The following SYT1 variants were observed in gnomAD, a reference collection of about 807,000 sequenced individuals.
SYT1 encodes the protein synaptotagmin 1.
Under a neutral mutation model 44.8 loss-of-function variants are expected in SYT1, and 8 were observed. The ratio of observed to expected loss-of-function variants is 0.18; its 90% CI spans 0.10 to 0.32. SYT1 has a LOEUF of 0.32. Ranked by LOEUF, SYT1 falls within the 10% of genes least tolerant of loss-of-function variation. SYT1 has a pLI of 1.00. For missense variants in SYT1, 286 were observed against 509.3 expected (o/e 0.56, Z 4.22); for synonymous variants, 154 against 188.8 (o/e 0.82, Z 1.51).
chr12:79,049,239 T>C (rs1395324513), intron 3 of SYT1, among the ~76,000 whole-genome samples: 28 of 151,908 alleles, frequency 1.8e-4, no homozygotes, highest in Non-Finnish European at 3.1e-4. Context: ...CATAATTGTA[T>C]TGAAATAGGA....
intron 2 of SYT1, among the ~76,000 whole-genome samples, chr12:79,035,261 G>A (rs560086176): frequency 3.3e-5 from 5 of 151,686 alleles, no homozygotes; most frequent in South Asian, 2.1e-4. Context: ...AGTCTTAGGC[G>A]TGTATAGAGA....
chr12:79,448,832 C>T (rs1416043783), intron 10 of SYT1, 86 bp from the exon 11 acceptor site: 2 of 1,213,274 alleles, frequency 1.6e-6, no homozygotes, highest in African/African-American at 3.0e-5. Context: ...CTTCTATTTC[C>T]AATTCTTTAG....
intron 6 of SYT1, 80 bp downstream of exon 6, chr12:79,292,210 A>G: frequency 6.6e-7 from 1 of 1,509,642 alleles, no homozygotes; most frequent in Non-Finnish European, 8.9e-7. Context: ...GATACCTCTT[A>G]AAATATTTTG....
intron 4 of SYT1, among the ~76,000 whole-genome samples, chr12:79,258,524 G>A (rs528940502): frequency 6.6e-6 from 1 of 152,272 alleles, no homozygotes; most frequent in Admixed American, 6.5e-5. Context: ...CTACTCTTTT[G>A]TGGCTTTAAA....
intron 1 of SYT1, among the ~76,000 whole-genome samples, chr12:78,869,514 G>A (rs939760732): frequency 6.6e-6 from 1 of 151,740 alleles, no homozygotes; most frequent in Non-Finnish European, 1.5e-5. Context: ...TTGTAGAAAT[G>A]GTAAACACTA....
chr12:79,149,955 A>C (rs1870164470), intron 3 of SYT1, among the ~76,000 whole-genome samples: 1 of 152,206 alleles, frequency 6.6e-6, no homozygotes, highest in Non-Finnish European at 1.5e-5. Context: ...ATGAGGGTGA[A>C]TGAATGAAAG....
intron 9 of SYT1, among the ~76,000 whole-genome samples, chr12:79,380,215 A>G (rs1884160137): frequency 6.6e-6 from 1 of 152,238 alleles, no homozygotes; most frequent in South Asian, 2.1e-4. Context: ...TCTGTCATTT[A>G]GATATTTTGA....
At chr12:79,406,556 C>A (rs1355180730) in intron 9 of SYT1, among the ~76,000 whole-genome samples, 4 of 152,106 alleles carry the variant, frequency 2.6e-5, no homozygotes, top group African/African-American at 9.7e-5. Context: ...AAAGTCTTGT[C>A]CACATTAGTC....
chr12:79,389,243 C>G (rs1415884896), intron 9 of SYT1, among the ~76,000 whole-genome samples: 1 of 152,098 alleles, frequency 6.6e-6, no homozygotes, highest in Non-Finnish European at 1.5e-5. Context: ...GATCTTTTAA[C>G]AAAACATATG....
At chr12:79,419,277 C>T (rs756466109) in intron 9 of SYT1, 1 of 525,236 alleles carries the variant, frequency 1.9e-6, no homozygotes, top group Non-Finnish European at 3.9e-6. Context: ...AAATTGAATT[C>T]ATTTAGAAAA....
chr12:79,347,058 T>A (rs1210824875), intron 8 of SYT1, among the ~76,000 whole-genome samples: 2 of 145,148 alleles, frequency 1.4e-5, no homozygotes, highest in Non-Finnish European at 3.0e-5. Context: ...TTTTTTTTTT[T>A]GAACATGGAC....
At chr12:79,196,910 C>A (rs1011601528) in intron 3 of SYT1, among the ~76,000 whole-genome samples, 3 of 152,178 alleles carry the variant, frequency 2.0e-5, no homozygotes, top group African/African-American at 7.2e-5. Flanking sequence ...GAGGCAGATG[C>A]TTAGTTGATG....
At chr12:79,315,747 G>A (rs968864371) in intron 8 of SYT1, among the ~76,000 whole-genome samples, 1 of 152,106 alleles carries the variant, frequency 6.6e-6, no homozygotes, top group African/African-American at 2.4e-5. Context: ...CAGTACTAAG[G>A]TTCACTTTTT....
chr12:79,359,469 A>G (rs1019605976), intron 9 of SYT1, among the ~76,000 whole-genome samples: 9 of 152,166 alleles, frequency 5.9e-5, no homozygotes, highest in Admixed American at 5.2e-4. Context: ...GAAAAGCAAC[A>G]TTTGGGGCTG....
In SYT1 at chr12:78,958,065, C is replaced by A. The variant is rs115070250; in HGVS notation, c.-216-19734C>A. 6.2e-3 allele frequency among the ~76,000 whole-genome samples: 942 copies of A among 152,172 alleles called. 14 individuals are homozygous for A. The highest frequency in any genetic ancestry group is 0.021 in the African/African-American group (854 of 41,516). Reference sequence around the variant, plus strand: ...TCAAACTAATTTTTATGGAAAAAAACCATTTTTGAGTGTACTTTTCATCTT... The same window carrying A: ...TCAAACTAATTTTTATGGAAAAAAAACATTTTTGAGTGTACTTTTCATCTT... On this transcript the variant is annotated intron_variant, in intron 1 of 10. Transcript: ENST00000261205.
chr12:79,292,187 G>C, intron 6 of SYT1, 57 bp downstream of exon 6: 1 of 1,573,402 alleles, frequency 6.4e-7, no homozygotes, highest in South Asian at 1.2e-5. Flanking sequence ...TTACCAAGTA[G>C]AAATTGCAGC....
At chr12:79,213,416 T>C (rs1361572076) in intron 3 of SYT1, among the ~76,000 whole-genome samples, 3 of 152,218 alleles carry the variant, frequency 2.0e-5, no homozygotes, top group South Asian at 4.1e-4. Flanking sequence ...ACTATATGAC[T>C]TTAACTGCCT....
intron 3 of SYT1, among the ~76,000 whole-genome samples, chr12:79,179,330 AT>A (rs1319494483): frequency 8.3e-6 from 1 of 119,960 alleles, no homozygotes; most frequent in African/African-American, 3.2e-5. Flanking sequence ...AGATATAGAT[AT>A]AGATATATCG....
intron 4 of SYT1, among the ~76,000 whole-genome samples, chr12:79,232,604 C>A (rs1264044206): frequency 2.0e-5 from 3 of 152,166 alleles, no homozygotes; most frequent in African/African-American, 7.2e-5. Context: ...CTGGTACCAA[C>A]TTCCTAACCC....
Sources: gnomAD v4.1 joint callset for allele counts (sites outside exome capture counted in the v4.1 genomes callset) on GRCh38, gnomAD v4.1.1 for gene constraint, MANE v1.5 for transcripts, NCBI Gene and HGNC (gene_info 2026-07-23, HGNC 2026-07-21) for gene names.